Variants in CCDC3 observed in about 807,000 individuals in gnomAD.
CCDC3 encodes the protein coiled-coil domain-containing protein 3.
A neutral mutation model predicts 21.4 loss-of-function variants in CCDC3; 24 were observed. That is an observed-to-expected ratio of 1.12 (90% CI 0.81 to 1.58). The LOEUF is 1.58. Ranked by LOEUF, CCDC3 falls within the 40% of genes most tolerant of loss-of-function variation. The pLI is 0.00. For missense variants in CCDC3, 425 were observed against 360.9 expected (o/e 1.18, Z -1.44); for synonymous variants, 186 against 166.0 (o/e 1.12, Z -0.93).
At chr10:12,973,014 G>C (rs1835365132) in intron 2 of CCDC3, among the ~76,000 whole-genome samples, 1 of 152,160 alleles carries the variant, frequency 6.6e-6, no homozygotes, top group Admixed American at 6.5e-5. Flanking sequence ...CAAAATGAGG[G>C]AGATGTCCCC....
intron 2 of CCDC3, among the ~76,000 whole-genome samples, chr10:12,906,761 A>G (rs1010256066): frequency 1.3e-5 from 2 of 152,050 alleles, no homozygotes; most frequent in Admixed American, 6.6e-5. Context: ...ATGAAATCAG[A>G]TGATAAGGGT....
intron 2 of CCDC3, among the ~76,000 whole-genome samples, chr10:12,938,260 C>T (rs1233825411): frequency 6.6e-6 from 1 of 152,186 alleles, no homozygotes; most frequent in South Asian, 2.1e-4. Context: ...ATCTATACCT[C>T]TTCATTTGGT....
intron 2 of CCDC3, among the ~76,000 whole-genome samples, chr10:12,949,785 G>T (rs1834981512): frequency 6.6e-6 from 1 of 152,180 alleles, no homozygotes; most frequent in Non-Finnish European, 1.5e-5. Context: ...TGGGTTTTCT[G>T]CCCAGAGGAA....
At chr10:12,921,547 C>T (rs1026739035) in intron 2 of CCDC3, among the ~76,000 whole-genome samples, 1 of 152,222 alleles carries the variant, frequency 6.6e-6, no homozygotes, top group Admixed American at 6.5e-5. Flanking sequence ...CAAATGATCT[C>T]TTAAAAATTG....
Position 12,996,758 on chromosome 10 carries a change from G to A in CCDC3, c.549+1580C>T, listed in dbSNP as rs531513298. On this transcript the variant is annotated intron_variant, in intron 2 of 2. Coordinates refer to ENST00000378825, the MANE Select transcript of CCDC3 (RefSeq NM_031455.4). Reference sequence around the variant, plus strand: ...CTCCCTTTGAATCTCCCTTTGAAGCGGGTTTGAATCCTGTCCTTTGCAGAC... The same window carrying A: ...CTCCCTTTGAATCTCCCTTTGAAGCAGGTTTGAATCCTGTCCTTTGCAGAC... Among the ~76,000 whole-genome samples the A allele has an allele frequency of 4.6e-5, 7 of 152,262 alleles. No homozygotes were observed. In the East Asian group the frequency reaches 7.7e-4, roughly 17 times the overall value.
At position 12,946,490 on chromosome 10, in the gene CCDC3, C is replaced by T. The variant is rs572669108; in HGVS notation, c.550-47811G>A. The stretch of plus-strand genomic sequence containing the variant: ...GCAAATCCTAGGCAGCCAACTGATC[C>T]GATCATGCCCAATAAGACAAATGCC... On this transcript the variant is annotated intron_variant, in intron 2 of 2. Coordinates refer to ENST00000378825, the MANE Select transcript of CCDC3 (RefSeq NM_031455.4). Among the ~76,000 whole-genome samples the T allele has an allele frequency of 2.8e-4, 42 of 152,216 alleles. No individual in the cohort carries two copies. The South Asian group carries it at 4.4e-3, about 16-fold the overall frequency.
At chr10:12,986,712 G>C (rs575633326) in intron 2 of CCDC3, among the ~76,000 whole-genome samples, 2 of 151,668 alleles carry the variant, frequency 1.3e-5, no homozygotes, top group South Asian at 4.2e-4. Context: ...GGCGGAGCTT[G>C]CAGTGAGCCG....
At chr10:13,074,259 G>A (rs1453291478) in intron 3 of CCDC3, among the ~76,000 whole-genome samples, 1 of 143,996 alleles carries the variant, frequency 6.9e-6, no homozygotes, top group Non-Finnish European at 1.5e-5. Context: ...CCAGGTTCAA[G>A]CAATTCTCCT....
intron 2 of CCDC3, among the ~76,000 whole-genome samples, chr10:12,990,688 T>C (rs1333544344): frequency 1.3e-5 from 2 of 152,188 alleles, no homozygotes; most frequent in Non-Finnish European, 2.9e-5. Context: ...ATCAGATCAA[T>C]AGTGGTATTA....
intron 2 of CCDC3, among the ~76,000 whole-genome samples, chr10:12,899,463 C>T (rs1206467072): frequency 2.0e-5 from 3 of 152,094 alleles, no homozygotes; most frequent in African/African-American, 7.2e-5. Context: ...GGGACTATCT[C>T]AGATAAATAC....
intron 2 of CCDC3, among the ~76,000 whole-genome samples, chr10:12,928,829 A>G (rs1013320516): frequency 4.6e-5 from 7 of 152,184 alleles, no homozygotes; most frequent in African/African-American, 1.7e-4. Flanking sequence ...AAAGACGCTC[A>G]GGTCTCCGTC....
chr10:13,001,624 C>T lies in CCDC3; in HGVS notation c.-54G>A. 1.9e-6 allele frequency: 2 copies of T among 1,079,534 alleles called. No homozygotes were observed. Among genetic ancestry groups the T allele is most frequent in the South Asian group, 4.5e-5 (1 of 22,338 alleles). The allele number at this position is 1,079,534 out of a possible 1,614,324, so 66.9% of individuals were successfully genotyped here. On this transcript the variant is annotated 5_prime_UTR_variant, in exon 1 of 3. Coordinates refer to ENST00000378825, the MANE Select transcript of CCDC3 (RefSeq NM_031455.4). The stretch of plus-strand genomic sequence containing the variant: ...GCGGCGGGGAGCCCGGGGAGCCCGC[C>T]GGCCCGGGAAGGGCAGCCCTGGGCG...
At chr10:13,089,246 ATGAACACTTATGAATATTTGTAAG>A (rs1474722341) in intron 3 of CCDC3, among the ~76,000 whole-genome samples, 1 of 152,226 alleles carries the variant, frequency 6.6e-6, no homozygotes, top group Non-Finnish European at 1.5e-5. Flanking sequence ...ATATTTATAA[ATGAACACTTATGAATATTTGTAAG>A]TGAACACTTA....
intron 5 of CCDC3, among the ~76,000 whole-genome samples, chr10:13,039,855 A>T (rs1315292730): frequency 6.6e-6 from 1 of 150,996 alleles, no homozygotes; most frequent in Non-Finnish European, 1.5e-5. Flanking sequence ...ACTGTGACAG[A>T]CGTACTGGTG....
Position 12,967,446 on chromosome 10 carries a change from T to C in CCDC3, c.549+30892A>G, listed in dbSNP as rs116966550. 2.8e-4 allele frequency among the ~76,000 whole-genome samples: 42 copies of C among 152,146 alleles called. 1 individual carries two copies. In the East Asian group the frequency reaches 7.3e-3, roughly 27 times the overall value. The stretch of plus-strand genomic sequence containing the variant: ...CCCAATGAGTCAGGAAAATAATAAA[T>C]AATCAACATTAGAAATTTAATAGAT... On this transcript the variant is annotated intron_variant, in intron 2 of 2. Coordinates refer to ENST00000378825, the MANE Select transcript of CCDC3 (RefSeq NM_031455.4).
At chr10:12,916,639 C>T (rs1834362739) in intron 2 of CCDC3, among the ~76,000 whole-genome samples, 1 of 151,284 alleles carries the variant, frequency 6.6e-6, no homozygotes, top group Non-Finnish European at 1.5e-5. Context: ...AAAAAATTGC[C>T]AGCCTGGGGC....
At chr10:12,943,363 T>A (rs1274866096) in intron 2 of CCDC3, among the ~76,000 whole-genome samples, 1 of 152,078 alleles carries the variant, frequency 6.6e-6, no homozygotes, top group Non-Finnish European at 1.5e-5. Context: ...ATGATGGTGA[T>A]GAGGTAGCTA....
chr10:12,903,298 G>A (rs1190046916), intron 2 of CCDC3, among the ~76,000 whole-genome samples: 1 of 152,202 alleles, frequency 6.6e-6, no homozygotes, highest in Non-Finnish European at 1.5e-5. Context: ...AGAAAATCCT[G>A]TGTTTAAGAA....
chr10:12,966,169 C>T (rs1438996449), intron 2 of CCDC3, among the ~76,000 whole-genome samples: 1 of 70,312 alleles, frequency 1.4e-5, no homozygotes, highest in African/African-American at 3.7e-5. Flanking sequence ...CGTTTCTCAA[C>T]CTTACTCAGT....
Sources: gnomAD v4.1 joint callset for allele counts (sites outside exome capture counted in the v4.1 genomes callset) on GRCh38, gnomAD v4.1.1 for gene constraint, MANE v1.5 for transcripts, NCBI Gene and HGNC (gene_info 2026-07-23, HGNC 2026-07-21) for gene names.